FDXR: variants seen among roughly 807,000 people sequenced by gnomAD.
The protein encoded by FDXR is NADPH:adrenodoxin oxidoreductase, mitochondrial.
Under a neutral mutation model 58.3 loss-of-function variants are expected in FDXR, and 38 were observed. That is an observed-to-expected ratio of 0.65 (90% CI 0.50 to 0.85). The LOEUF (loss-of-function observed/expected upper bound fraction) is 0.85, where lower values mean the gene tolerates loss of function less well. FDXR is among the 40% of genes least tolerant of loss of function. The pLI is 0.00. For missense variants in FDXR, 624 were observed against 671.0 expected, an observed-to-expected ratio of 0.93 and a Z score of 0.77; for synonymous variants, 275 against 273.8, an observed-to-expected ratio of 1.00 and a Z score of -0.04.
rs1017295170 is a variant in FDXR, at chr17:74,872,673, C to A, written c.79+193G>T. On this transcript the variant is annotated intron_variant, in intron 1 of 11. Transcript: ENST00000293195. ...TTTTCACCTTTGTTGACCTCCGTCTCTAACCCTAGAAGCCTCACATCTCAC... is the reference window on the plus strand; with the variant it reads ...TTTTCACCTTTGTTGACCTCCGTCTATAACCCTAGAAGCCTCACATCTCAC... The A allele has an allele frequency of 1.1e-5, 14 of 1,284,108 alleles. No individual in the cohort carries two copies. In the African/African-American group the frequency reaches 2.1e-4, roughly 19 times the overall value. 79.5% of individuals were successfully genotyped at this position (1,284,108 alleles called of 1,614,324 possible). A position where few individuals can be genotyped will look rare whatever the true frequency, so the allele number is the denominator to read the frequency against.
chr17:74,866,363 T>C, intron 4 of FDXR, 83 bp downstream of exon 4: 1 of 1,581,550 alleles, frequency 6.3e-7, no homozygotes, highest in Non-Finnish European at 8.6e-7. Context: ...CATCCTGGCC[T>C]CACCCCTGCT....
At chr17:74,870,096 G>A (rs1055926205) in intron 2 of FDXR, 8 of 387,980 alleles carry the variant, frequency 2.1e-5, no homozygotes, top group Non-Finnish European at 3.9e-5. Context: ...CAGTAGCTTG[G>A]AGCTCCCTGT....
In FDXR at chr17:74,864,282, G is replaced by T; in HGVS notation, c.868C>A (p.Pro290Thr). Residue 290 changes from proline to threonine, a missense_variant, in exon 9 of 12, where the codon CCG (proline) becomes ACG (threonine). Physicochemically the swap from Pro to Thr is conservative, Grantham distance 38 (BLOSUM62 -1). Transcript: ENST00000293195. ...LLRTATEKPG[P>T]AEAARQASAS... ...GATGCCTGGCGGGCAGCTTCCGCCGGCCCTGGCTTCTCTGTGGCCGTTCGA... is the reference window on the plus strand; with the variant it reads ...GATGCCTGGCGGGCAGCTTCCGCCGTCCCTGGCTTCTCTGTGGCCGTTCGA... 1.3e-6 allele frequency: 2 copies of T among 1,595,440 alleles called. No homozygotes were observed. The highest frequency in any genetic ancestry group is 1.7e-6 in the Non-Finnish European group (2 of 1,167,910).
intron 2 of FDXR, among the ~76,000 whole-genome samples, chr17:74,871,340 T>C (rs2038369358): frequency 6.6e-6 from 1 of 152,126 alleles, no homozygotes; most frequent in South Asian, 2.1e-4. Flanking sequence ...TGTGTATAAT[T>C]AAGATATTCA....
intron 10 of FDXR, 50 bp from the exon 11 acceptor site, chr17:74,863,296 C>A: frequency 1.3e-6 from 2 of 1,533,638 alleles, no homozygotes; most frequent in South Asian, 1.2e-5. Flanking sequence ...TGGATACCAC[C>A]CTGGCCATCC....
rs750268654 is a variant in FDXR at position 74,864,477 on chromosome 17, C to G, written c.802+3G>C. ...GTTGGGGGGCCAGGCCAGGGCCCCT[C>G]ACCCTTGATCTTGTCCTGGAGACCC... On this transcript the variant is annotated splice_donor_region_variant and intron_variant, in intron 8 of 11. Transcript: ENST00000293195. 13 of 1,613,766 alleles carry G rather than the reference C, an allele frequency of 8.1e-6. No homozygotes were observed. Among genetic ancestry groups the G allele is most frequent in the Non-Finnish European group, 1.1e-5 (13 of 1,179,800 alleles).
chr17:74,869,456 G>A (rs1211775065), intron 2 of FDXR, among the ~76,000 whole-genome samples: 1 of 152,138 alleles, frequency 6.6e-6, no homozygotes, highest in Non-Finnish European at 1.5e-5. Flanking sequence ...CTCAGCCTCG[G>A]CTCTCACCTC....
In FDXR at chr17:74,866,888, C is replaced by T. The variant is rs778283336; in HGVS notation, c.178-12G>A. ...TGGGCCTGGGGGTGCTGCTGGGGAA[C>T]AGGGTGGCAGCTGGTGGGGCCGAGA... On this transcript the variant is annotated splice_polypyrimidine_tract_variant and intron_variant, in intron 2 of 11. Coordinates refer to ENST00000293195, the MANE Select transcript of FDXR (RefSeq NM_024417.5). 2.5e-6 allele frequency: 4 copies of T among 1,612,762 alleles called. No homozygotes were observed. In the South Asian group the frequency reaches 4.4e-5, roughly 18 times the overall value.
At chr17:74,869,803 C>A in intron 2 of FDXR, 1 of 362,590 alleles carries the variant, frequency 2.8e-6, no homozygotes, top group Admixed American at 2.6e-5. Context: ...GTAAAGCCTG[C>A]GCCCAGAACA....
chr17:74,862,814 G>A lies in FDXR; in HGVS notation c.*3C>T, dbSNP rs747012697. On this transcript the variant is annotated 3_prime_UTR_variant, in exon 12 of 12. Coordinates refer to ENST00000293195, the MANE Select transcript of FDXR (RefSeq NM_024417.5). The stretch of plus-strand genomic sequence containing the variant: ...CTGCTGGGGGCCGGGGCTGGGGCTG[G>A]GCTCAGTGGCCCAGGAGGCGCAGCA... The A allele has an allele frequency of 6.2e-7, 1 of 1,608,036 alleles. No homozygotes were observed. Among genetic ancestry groups the A allele is most frequent in the Non-Finnish European group, 8.5e-7 (1 of 1,179,140 alleles).
Position 74,872,094 on chromosome 17 carries a change from TG to T in FDXR, c.118del (p.Gln40ArgfsTer19), listed in dbSNP as rs1361343156. On this transcript the variant is annotated frameshift_variant, in exon 2 of 12. Transcript: ENST00000293195. LOFTEE classifies it high-confidence loss of function. Reference sequence around the variant, plus strand: ...TGGGCCACTGCCCACCACACAGATCTGGGGGGTCTTCTCCTGTGTGGAGAAA... The same window carrying T: ...TGGGCCACTGCCCACCACACAGATCTGGGGGTCTTCTCCTGTGTGGAGAAA... ...HHFSTQEKTP[Q>X]ICVVGSGPAG... is the part of the protein sequence containing the mutation. 2.3e-5 allele frequency: 37 copies of T among 1,607,620 alleles called. No individual in the cohort carries two copies. Among genetic ancestry groups the T allele is most frequent in the Non-Finnish European group, 3.1e-5 (37 of 1,176,684 alleles).
At chr17:74,867,382 C>A (rs369547301) in intron 2 of FDXR, among the ~76,000 whole-genome samples, 1 of 148,892 alleles carries the variant, frequency 6.7e-6, no homozygotes, top group African/African-American at 2.5e-5. Flanking sequence ...GGCCAGCTGA[C>A]AAGGCCGTGG....
chr17:74,865,009 C>T, intron 6 of FDXR, 78 bp from the exon 7 acceptor site: 2 of 1,600,622 alleles, frequency 1.2e-6, no homozygotes, highest in Non-Finnish European at 1.7e-6. Context: ...ATGTCCCCAC[C>T]GTGGGCCTGG....
chr17:74,870,746 C>T (rs1298737521), intron 2 of FDXR, among the ~76,000 whole-genome samples: 2 of 151,726 alleles, frequency 1.3e-5, no homozygotes, highest in African/African-American at 4.8e-5. Flanking sequence ...TGTGGGAGGC[C>T]CTCACCAAAG....
intron 10 of FDXR, among the ~76,000 whole-genome samples, 200 bp from the exon 11 acceptor site, chr17:74,863,446 A>C (rs2038049148): frequency 6.6e-6 from 1 of 151,898 alleles, no homozygotes; most frequent in Non-Finnish European, 1.5e-5. Flanking sequence ...ACCCCCTTAC[A>C]CCTCAGTTTC....
rs114592509 is a variant in FDXR, at chr17:74,868,624, G to A, written c.178-1748C>T. On this transcript the variant is annotated intron_variant, in intron 2 of 11. Coordinates refer to ENST00000293195, the MANE Select transcript of FDXR (RefSeq NM_024417.5). Reference sequence around the variant, plus strand: ...CGATGTCCTCTCCAGGGCCACCTCCGGAACGCTAAGTCTGCCGGATGTTCT... The same window carrying A: ...CGATGTCCTCTCCAGGGCCACCTCCAGAACGCTAAGTCTGCCGGATGTTCT... 9.4e-3 allele frequency: 14,434 copies of A among 1,535,538 alleles called. 500 individuals carry two copies. The highest frequency in any genetic ancestry group is 0.093 in the African/African-American group (6,822 of 73,062).
intron 10 of FDXR, 142 bp from the exon 11 acceptor site, chr17:74,863,388 C>CAGCGGCCACA: frequency 5.1e-6 from 4 of 779,846 alleles, no homozygotes; most frequent in Non-Finnish European, 8.2e-6. Context: ...CTGCTGTGGC[C>CAGCGGCCACA]GCTGGTCCAC....
intron 2 of FDXR, among the ~76,000 whole-genome samples, chr17:74,871,372 G>A (rs1032198477): frequency 1.3e-5 from 2 of 152,154 alleles, no homozygotes; most frequent in Admixed American, 6.5e-5. Context: ...GTCTCTCCAC[G>A]GACACTCCAA....
rs762141278 is a variant in FDXR at position 74,864,203 on chromosome 17, G to A, written c.947C>T (p.Pro316Leu). The A allele has an allele frequency of 1.1e-5, 18 of 1,611,924 alleles. No individual in the cohort carries two copies. Among genetic ancestry groups the A allele is most frequent in the East Asian group, 2.2e-5 (1 of 44,856 alleles). ...RFFRSPQQVL[P>L]SPDGRRAAGV... is the part of the protein sequence containing the mutation. ...TGCTGCCCGCCGCCCATCTGGTGAGGGCAGCACCTGCTGGGGGCTTCGGAA... is the reference window on the plus strand; with the variant it reads ...TGCTGCCCGCCGCCCATCTGGTGAGAGCAGCACCTGCTGGGGGCTTCGGAA... Residue 316 changes from proline (P) to leucine (L), a missense_variant, in exon 9 of 12, where the codon CCC becomes CTC. Coordinates refer to ENST00000293195, the MANE Select transcript of FDXR (RefSeq NM_024417.5).
Sources: gnomAD v4.1 joint callset for allele counts (sites outside exome capture counted in the v4.1 genomes callset) on GRCh38, gnomAD v4.1.1 for gene constraint, MANE v1.5 for transcripts, NCBI Gene and HGNC (gene_info 2026-07-23, HGNC 2026-07-21) for gene names.